Variants in SLC25A30 observed in about 807,000 individuals in gnomAD.
SLC25A30 encodes kidney mitochondrial carrier protein 1.
In SLC25A30, 29 loss-of-function variants were observed where a neutral mutation model predicts 42.7. The observed-to-expected ratio is 0.68, with a 90% CI of 0.51 to 0.93. SLC25A30 has a LOEUF of 0.93. Ranked by LOEUF, SLC25A30 falls within the 40% of genes least tolerant of loss-of-function variation. SLC25A30 has a pLI of 0.00. For missense variants in SLC25A30, 300 were observed against 359.7 expected, an observed-to-expected ratio of 0.83 and a Z score of 1.34; for synonymous variants, 124 against 131.0, an observed-to-expected ratio of 0.95 and a Z score of 0.37.
In SLC25A30 at chr13:45,408,968, C is replaced by A. The variant is rs765351144; in HGVS notation, c.171G>T (p.Val57=). 2.5e-6 allele frequency: 4 copies of A among 1,613,404 alleles called. No individual in the cohort carries two copies. The highest frequency in any genetic ancestry group is 2.5e-6 in the Non-Finnish European group (3 of 1,179,768). Residue 57 remains valine, a synonymous_variant, in exon 3 of 10, where the codon GTG becomes GTT. Coordinates refer to ENST00000519676, the MANE Select transcript of SLC25A30 (RefSeq NM_001010875.4). ...IRYRGMLHAL[V]RIGREEGLKA... The stretch of plus-strand genomic sequence containing the variant: ...TCAGCCCTTCTTCTCTGCCTATCCT[C>A]ACTAATGCGTGCAACATTCCTCGGT...
chr13:45,427,433 CTGTT>C, the SLC25A30 span, among the ~76,000 whole-genome samples: 2 of 152,154 alleles, frequency 1.3e-5, no homozygotes, highest in African/African-American at 4.8e-5. Flanking sequence ...TCACAAACCA[CTGTT>C]TGCTCATTGG....
chr13:45,420,590 C>A (rs1391854459), upstream of SLC25A30, among the ~76,000 whole-genome samples: 1 of 152,160 alleles, frequency 6.6e-6, no homozygotes, highest in African/African-American at 2.4e-5. Context: ...CAAACTCTAC[C>A]ATTACCCTAA....
chr13:45,394,436 C>A lies in SLC25A30; in HGVS notation c.*1538G>T, dbSNP rs1225286682. On this transcript the variant is annotated 3_prime_UTR_variant, in exon 10 of 10. Transcript: ENST00000519676. ...TATTCAGTCTCAACAAAGAGACTGG[C>A]CAGACTGGGAATTTGGCCGCACTAC... 2 of 985,260 alleles carry A rather than the reference C, an allele frequency of 2.0e-6. No homozygotes were observed. Among genetic ancestry groups the A allele is most frequent in the African/African-American group, 1.7e-5 (1 of 57,210 alleles). 61.0% of individuals were successfully genotyped at this position (985,260 alleles called of 1,614,324 possible).
the SLC25A30 span, among the ~76,000 whole-genome samples, chr13:45,425,042 A>ATT: frequency 1.4e-5 from 1 of 74,026 alleles, no homozygotes; most frequent in Non-Finnish European, 2.5e-5. Flanking sequence ...ATAAGTATAT[A>ATT]TAAATATATA....
chr13:45,424,482 T>A, the SLC25A30 span, among the ~76,000 whole-genome samples: 1 of 31,002 alleles, frequency 3.2e-5, no homozygotes, highest in African/African-American at 2.2e-4. Flanking sequence ...TAAATATATG[T>A]ATATAAATAT....
Position 45,397,300 on chromosome 13 carries a change from G to A in SLC25A30, c.792C>T (p.Gly264=), listed in dbSNP as rs758456953. The A allele has an allele frequency of 6.2e-7, 1 of 1,613,124 alleles. No individual in the cohort carries two copies. Among genetic ancestry groups the A allele is most frequent in the South Asian group, 1.1e-5 (1 of 91,036 alleles). The change falls in exon 9 of 10, where the codon GGC becomes GGT. Residue 264 remains glycine (G), a synonymous_variant. Coordinates refer to ENST00000519676, the MANE Select transcript of SLC25A30 (RefSeq NM_001010875.4). ...CAAGTCTCAACCAATTTGGCCAAAA[G>A]CCTTTATAGAGAGCAAAAAACCCTT... is the stretch of plus-strand genomic sequence containing the variant. ...KNEGFFALYK[G]FWPNWLRLGP...
the SLC25A30 span, among the ~76,000 whole-genome samples, chr13:45,424,264 T>TGTATAA: frequency 0.035 from 3 of 86 alleles, no homozygotes; most frequent in African/African-American, 0.094. Context: ...TATGTAAATA[T>TGTATAA]ATATAAATAT....
At chr13:45,413,862 A>G (rs1034696609) in intron 1 of SLC25A30, among the ~76,000 whole-genome samples, 3 of 152,180 alleles carry the variant, frequency 2.0e-5, no homozygotes, top group African/African-American at 4.8e-5. Context: ...CAGCTAGTTA[A>G]GTTTTAATGA....
the SLC25A30 span, among the ~76,000 whole-genome samples, chr13:45,433,831 A>G: frequency 6.6e-6 from 1 of 152,214 alleles, no homozygotes; most frequent in Non-Finnish European, 1.5e-5. Flanking sequence ...CAAACACACT[A>G]CTGAGACAAA....
At chr13:45,402,186 C>T in intron 6 of SLC25A30, 89 bp downstream of exon 6, 1 of 995,376 alleles carries the variant, frequency 1.0e-6, no homozygotes, top group South Asian at 1.5e-5. Context: ...CATTACGACA[C>T]TTGGATTAAA....
rs767854756 is a variant in SLC25A30 at position 45,411,320 on chromosome 13, A to G, written c.64+42T>C. ...AACTACATTCACATCAAACACCATCACATACAGCAGGCTACGTGATCCACC... is the reference window on the plus strand; with the variant it reads ...AACTACATTCACATCAAACACCATCGCATACAGCAGGCTACGTGATCCACC... On this transcript the variant is annotated intron_variant, in intron 2 of 9. Transcript: ENST00000519676. The G allele has an allele frequency of 3.0e-6, 4 of 1,345,516 alleles. No individual in the cohort carries two copies. The Admixed American group carries it at 6.7e-5, about 23-fold the overall frequency. 83.3% of individuals were successfully genotyped at this position (1,345,516 alleles called of 1,614,324 possible).
rs1389942779 is a variant in SLC25A30, at chr13:45,395,272, C to G, written c.*702G>C. The G allele has an allele frequency of 1.5e-5, 15 of 985,628 alleles. No individual in the cohort carries two copies. In the African/African-American group the frequency reaches 2.3e-4, roughly 15 times the overall value. 61.1% of individuals were successfully genotyped at this position (985,628 alleles called of 1,614,324 possible). ...ACCTAAGCTGCTTGAAAACACCCCC[C>G]ACCAATACAGACCTTGCAACCTTCA... On this transcript the variant is annotated 3_prime_UTR_variant, in exon 10 of 10. Transcript: ENST00000519676.
chr13:45,432,723 A>C, the SLC25A30 span, among the ~76,000 whole-genome samples: 1 of 151,550 alleles, frequency 6.6e-6, no homozygotes, highest in Admixed American at 6.6e-5. Flanking sequence ...AAAAAAAAAC[A>C]ATCAATTCAG....
chr13:45,397,079 G>A (rs1881414481), intron 9 of SLC25A30, 179 bp downstream of exon 9: 1 of 589,074 alleles, frequency 1.7e-6, no homozygotes, highest in Non-Finnish European at 3.0e-6. Context: ...AAGATTCAGT[G>A]TCTAGCACGG....
At chr13:45,396,169 A>G (rs1881298816) in intron 9 of SLC25A30, 154 bp from the exon 10 acceptor site, 11 of 1,514,264 alleles carry the variant, frequency 7.3e-6, no homozygotes, top group Non-Finnish European at 9.7e-6. Flanking sequence ...ACCCTTAACC[A>G]CATCAAACTA....
chr13:45,398,127 G>C, intron 8 of SLC25A30: 1 of 875,202 alleles, frequency 1.1e-6, no homozygotes, highest in Non-Finnish European at 1.4e-6. Flanking sequence ...GGCCCCTGTA[G>C]CCATAAAAAA....
the SLC25A30 span, among the ~76,000 whole-genome samples, chr13:45,424,187 A>C: frequency 0.32 from 21,619 of 67,356 alleles, 4,001 homozygotes; most frequent in Non-Finnish European, 0.39. Flanking sequence ...ATAAATATTT[A>C]TGAATATAAA....
the SLC25A30 span, among the ~76,000 whole-genome samples, chr13:45,425,567 TATATAA>T: frequency 9.5e-6 from 1 of 105,306 alleles, no homozygotes; most frequent in African/African-American, 3.9e-5. Context: ...TATATAAATA[TATATAA>T]GTATATATAT....
At chr13:45,402,059 C>CAAAAA (rs66565783) in intron 6 of SLC25A30, among the ~76,000 whole-genome samples, 4 of 83,862 alleles carry the variant, frequency 4.8e-5, no homozygotes, top group Admixed American at 1.5e-4. Context: ...GACTCCATCT[C>CAAAAA]AAAAAAAAAA....
Sources: allele counts gnomAD v4.1 joint callset (sites outside exome capture counted in the v4.1 genomes callset), GRCh38; gene constraint gnomAD v4.1.1; transcripts MANE v1.5; gene names NCBI Gene and HGNC (gene_info 2026-07-23, HGNC 2026-07-21).